The following PIBF1 variants were observed in gnomAD, a reference collection of about 807,000 sequenced individuals.
The protein encoded by PIBF1 is progesterone immunomodulatory binding factor 1, also known as progesterone-induced-blocking factor 1.
PIBF1 carries 90 observed loss-of-function variants against 112.5 expected under a neutral mutation model. That is an observed-to-expected ratio of 0.80 (90% CI 0.67 to 0.95). The LOEUF (loss-of-function observed/expected upper bound fraction) is 0.95, where lower values mean the gene tolerates loss of function less well. Among genes scored for constraint, PIBF1 ranks in the 40% least tolerant of loss-of-function variants. The probability of loss-of-function intolerance (pLI) is 0.00; values close to 1 mark genes in which losing one functional copy is unlikely to be tolerated. For synonymous variants in PIBF1, 301 were observed against 288.6 expected (o/e 1.04, Z -0.44); for missense variants, 915 against 852.3 (o/e 1.07, Z -0.92).
rs187165509 is a variant in PIBF1 at position 72,896,979 on chromosome 13, C to T, written c.1488+3030C>T. Among the ~76,000 whole-genome samples the T allele has an allele frequency of 2.6e-3, 390 of 152,194 alleles. 1 individual carries two copies. Among genetic ancestry groups the T allele is most frequent in the Middle Eastern group, 0.02 (6 of 294 alleles). ...GGGGAATTCATTGCAAAAAGATTTT[C>T]GCCTAGGCACATTGTCGTCAGGTTA... On this transcript the variant is annotated intron_variant, in intron 11 of 17. Coordinates refer to ENST00000326291, the MANE Select transcript of PIBF1 (RefSeq NM_006346.4).
intron 13 of PIBF1, among the ~76,000 whole-genome samples, chr13:72,918,376 A>G (rs2041171924): frequency 6.9e-6 from 1 of 144,200 alleles, no homozygotes; most frequent in East Asian, 2.1e-4. Context: ...GAGGTCAGCA[A>G]CTACCTATTT....
At chr13:72,889,091 G>A (rs1179780009) in intron 10 of PIBF1, among the ~76,000 whole-genome samples, 2 of 152,028 alleles carry the variant, frequency 1.3e-5, no homozygotes, top group Admixed American at 1.3e-4. Context: ...GTAATGTTTG[G>A]AGTTTTTAGC....
chr13:72,852,507 C>T (rs1236529442), intron 9 of PIBF1, among the ~76,000 whole-genome samples: 3 of 152,110 alleles, frequency 2.0e-5, no homozygotes, highest in Non-Finnish European at 2.9e-5. Context: ...TGTGAGATCC[C>T]GGCCAGTATA....
At chr13:72,936,298 A>G (rs1438613508) in intron 14 of PIBF1, among the ~76,000 whole-genome samples, 1 of 152,144 alleles carries the variant, frequency 6.6e-6, no homozygotes, top group Non-Finnish European at 1.5e-5. Context: ...GGCTTCCCAA[A>G]GTGCTGGGAT....
At chr13:72,928,044 T>TATAC (rs1425822905) in intron 13 of PIBF1, among the ~76,000 whole-genome samples, 2 of 130,082 alleles carry the variant, frequency 1.5e-5, no homozygotes, top group East Asian at 2.1e-4. Flanking sequence ...TATATATATA[T>TATAC]ACATATATAT....
At chr13:72,947,896 A>G (rs1203508167) in intron 14 of PIBF1, among the ~76,000 whole-genome samples, 1 of 152,242 alleles carries the variant, frequency 6.6e-6, no homozygotes, top group Non-Finnish European at 1.5e-5. Flanking sequence ...ATGGAATACT[A>G]TGTAGCCATA....
At chr13:72,877,599 C>G (rs1446941133) in intron 10 of PIBF1, among the ~76,000 whole-genome samples, 1 of 152,038 alleles carries the variant, frequency 6.6e-6, no homozygotes, top group Non-Finnish European at 1.5e-5. Context: ...CTTCTTGTGT[C>G]AGTTTTAGCA....
intron 9 of PIBF1, among the ~76,000 whole-genome samples, chr13:72,839,711 T>A (rs1456736968): frequency 1.3e-5 from 2 of 152,160 alleles, no homozygotes; most frequent in African/African-American, 4.8e-5. Context: ...AATTTCCTCA[T>A]TTTTTAGGTT....
intron 13 of PIBF1, among the ~76,000 whole-genome samples, chr13:72,925,800 C>T (rs1437570346): frequency 6.6e-6 from 1 of 152,058 alleles, no homozygotes; most frequent in Non-Finnish European, 1.5e-5. Context: ...CCTCAGCCTC[C>T]CAAAGTGCTG....
At chr13:72,872,716 A>G (rs2039218232) in intron 10 of PIBF1, among the ~76,000 whole-genome samples, 1 of 152,216 alleles carries the variant, frequency 6.6e-6, no homozygotes. Flanking sequence ...CAAATAAATT[A>G]CAAAAACTTT....
At chr13:72,931,693 C>T (rs1279760620) in intron 14 of PIBF1, among the ~76,000 whole-genome samples, 1 of 125,208 alleles carries the variant, frequency 8.0e-6, no homozygotes, top group African/African-American at 2.9e-5. Context: ...GCTTCTTTTT[C>T]TTAGCCTTAT....
chr13:72,983,747 T>C (rs1242540701), intron 16 of PIBF1, among the ~76,000 whole-genome samples: 2 of 152,210 alleles, frequency 1.3e-5, no homozygotes, highest in African/African-American at 2.4e-5. Flanking sequence ...TTTTTCTTTA[T>C]GTGTGTCACT....
At chr13:72,811,608 A>AG (rs1555287756) in intron 5 of PIBF1, among the ~76,000 whole-genome samples, 3 of 139,646 alleles carry the variant, frequency 2.1e-5, no homozygotes, top group Non-Finnish European at 1.5e-5. Context: ...AAAAAAAAAA[A>AG]AGAGAGAGAA....
intron 14 of PIBF1, among the ~76,000 whole-genome samples, chr13:72,934,543 T>C (rs1048778351): frequency 3.3e-5 from 5 of 152,074 alleles, no homozygotes; most frequent in African/African-American, 9.7e-5. Context: ...TGGATCAGGT[T>C]AAATATTTAA....
At chr13:73,015,814 CT>C in intron 17 of PIBF1, 54 bp from the exon 18 acceptor site, 1 of 1,120,678 alleles carries the variant, frequency 8.9e-7, no homozygotes, top group Non-Finnish European at 1.3e-6. Flanking sequence ...TGAGTTGCCT[CT>C]CTTGTCCTCC....
chr13:72,895,047 C>A (rs1299386679), intron 11 of PIBF1, among the ~76,000 whole-genome samples: 3 of 151,328 alleles, frequency 2.0e-5, no homozygotes, highest in African/African-American at 7.3e-5. Context: ...TTGCTTAAGC[C>A]CAGGAGGTCG....
chr13:73,011,193 A>G (rs1384493671), intron 17 of PIBF1, among the ~76,000 whole-genome samples: 1 of 152,152 alleles, frequency 6.6e-6, no homozygotes, highest in Non-Finnish European at 1.5e-5. Flanking sequence ...AATTGGACAG[A>G]TAGGCCAATA....
At chr13:72,971,038 A>G (rs921158485) in intron 15 of PIBF1, among the ~76,000 whole-genome samples, 2 of 152,190 alleles carry the variant, frequency 1.3e-5, no homozygotes, top group Admixed American at 1.3e-4. Flanking sequence ...ATTATAGAAT[A>G]CTTTATTTTT....
chr13:72,871,811 A>C (rs889739512), intron 10 of PIBF1, among the ~76,000 whole-genome samples: 1 of 152,218 alleles, frequency 6.6e-6, no homozygotes, highest in South Asian at 2.1e-4. Context: ...AGCCCAACTA[A>C]TAACATAGTC....
Sources: allele counts gnomAD v4.1 joint callset (sites outside exome capture counted in the v4.1 genomes callset), GRCh38; gene constraint gnomAD v4.1.1; transcripts MANE v1.5; gene names NCBI Gene and HGNC (gene_info 2026-07-23, HGNC 2026-07-21).